SPOCK1: variants seen among roughly 807,000 people sequenced by gnomAD.
The protein encoded by SPOCK1 is SPARC (osteonectin), cwcv and kazal like domains proteoglycan 1.
A neutral mutation model predicts 55.3 loss-of-function variants in SPOCK1; 23 were observed. That is an observed-to-expected ratio of 0.42 (90% CI 0.30 to 0.59). The LOEUF is 0.59. Among genes scored for constraint, SPOCK1 ranks in the 20% least tolerant of loss-of-function variants. The pLI is 0.22. For synonymous variants in SPOCK1, 226 were observed against 221.0 expected (o/e 1.02, Z -0.20); for missense variants, 499 against 552.5 (o/e 0.90, Z 0.97).
intron 3 of SPOCK1, among the ~76,000 whole-genome samples, chr5:137,173,341 C>G (rs945224254): frequency 6.6e-5 from 10 of 152,126 alleles, no homozygotes; most frequent in African/African-American, 2.4e-4. Flanking sequence ...ATTGTCCTAG[C>G]CCCCTGGTAG....
intron 2 of SPOCK1, among the ~76,000 whole-genome samples, chr5:137,377,460 C>G (rs1221459880): frequency 6.6e-6 from 1 of 152,198 alleles, no homozygotes. Context: ...TGAGGAACAC[C>G]TGATACTGGG....
chr5:137,212,097 C>T (rs879281555), intron 3 of SPOCK1, among the ~76,000 whole-genome samples: 6 of 152,244 alleles, frequency 3.9e-5, no homozygotes, highest in African/African-American at 7.2e-5. Flanking sequence ...GACTGGCATC[C>T]GAAGGGGGGT....
intron 3 of SPOCK1, among the ~76,000 whole-genome samples, chr5:137,154,089 A>AC (rs1441717273): frequency 6.6e-6 from 1 of 151,888 alleles, no homozygotes; most frequent in Non-Finnish European, 1.5e-5. Flanking sequence ...GGAGTTCAAG[A>AC]CCACCCTGAC....
chr5:137,497,527 C>G (rs779785081), intron 2 of SPOCK1, among the ~76,000 whole-genome samples: 1 of 152,180 alleles, frequency 6.6e-6, no homozygotes, highest in Non-Finnish European at 1.5e-5. Flanking sequence ...AGCTGGCAGA[C>G]GCTCCCACAG....
intron 3 of SPOCK1, among the ~76,000 whole-genome samples, chr5:137,194,565 G>A (rs924016981): frequency 1.3e-5 from 2 of 152,134 alleles, no homozygotes; most frequent in Non-Finnish European, 2.9e-5. Context: ...GCTATGCTGG[G>A]CAGATAGAAG....
intron 3 of SPOCK1, among the ~76,000 whole-genome samples, chr5:137,175,012 T>A (rs1417680735): frequency 6.6e-6 from 1 of 152,218 alleles, no homozygotes; most frequent in Non-Finnish European, 1.5e-5. Context: ...CACACATCTT[T>A]GCAGAACCAC....
chr5:137,086,559 G>A lies in SPOCK1; in HGVS notation c.475-18730C>T, dbSNP rs761843405. Among the ~76,000 whole-genome samples, 158 of 152,174 alleles carry A rather than the reference G, an allele frequency of 1.0e-3. 4 individuals are homozygous for A. Among genetic ancestry groups the A allele is most frequent in the Non-Finnish European group, 3.7e-4 (25 of 68,030 alleles). Reference sequence around the variant, plus strand: ...ACCCAAATTGAATAAAGGCCTTCTCGGGAGGTGGCTGGCTGGGGTTCTGTA... The same window carrying A: ...ACCCAAATTGAATAAAGGCCTTCTCAGGAGGTGGCTGGCTGGGGTTCTGTA... On this transcript the variant is annotated intron_variant, in intron 5 of 10. Coordinates refer to ENST00000394945, the MANE Select transcript of SPOCK1 (RefSeq NM_004598.4).
At chr5:137,194,561 C>T (rs1292718814) in intron 3 of SPOCK1, among the ~76,000 whole-genome samples, 1 of 152,132 alleles carries the variant, frequency 6.6e-6, no homozygotes, top group Non-Finnish European at 1.5e-5. Flanking sequence ...CCACGCTATG[C>T]TGGGCAGATA....
At chr5:137,161,134 G>A (rs1754550159) in intron 3 of SPOCK1, among the ~76,000 whole-genome samples, 1 of 142,834 alleles carries the variant, frequency 7.0e-6, no homozygotes, top group South Asian at 2.2e-4. Flanking sequence ...AATATTCCTA[G>A]AGTATATATA....
At chr5:137,010,428 G>T (rs1751328995) in intron 6 of SPOCK1, among the ~76,000 whole-genome samples, 1 of 151,884 alleles carries the variant, frequency 6.6e-6, no homozygotes, top group Non-Finnish European at 1.5e-5. Flanking sequence ...TTGCGAGGAA[G>T]GGAGGGGCAG....
In SPOCK1 at chr5:137,087,685, G is replaced by A. The variant is rs551313885; in HGVS notation, c.475-19856C>T. 2.6e-5 allele frequency among the ~76,000 whole-genome samples: 4 copies of A among 152,304 alleles called. No homozygotes were observed. In the East Asian group the frequency reaches 7.7e-4, roughly 29 times the overall value. On this transcript the variant is annotated intron_variant, in intron 5 of 10. Coordinates refer to ENST00000394945, the MANE Select transcript of SPOCK1 (RefSeq NM_004598.4). The stretch of plus-strand genomic sequence containing the variant: ...GTGTGTCCCAGGGCAGGGCCCTGGA[G>A]AGCACCAGGACCTTGGTGTGCAGGA...
At chr5:137,431,223 T>C in intron 2 of SPOCK1, among the ~76,000 whole-genome samples, 1 of 152,172 alleles carries the variant, frequency 6.6e-6, no homozygotes, top group African/African-American at 2.4e-5. Flanking sequence ...TTTAAATCAG[T>C]GTAGGAGAGG....
At chr5:137,370,605 C>T (rs138240300) in intron 2 of SPOCK1, among the ~76,000 whole-genome samples, 314 of 152,330 alleles carry the variant, frequency 2.1e-3, no homozygotes, top group African/African-American at 7.2e-3. Flanking sequence ...GCAACAGAAA[C>T]ACCCAACCCA....
Position 137,061,467 on chromosome 5 carries a change from T to A in SPOCK1, c.589+6248A>T, listed in dbSNP as rs192220898. 1.2e-3 allele frequency among the ~76,000 whole-genome samples: 186 copies of A among 152,312 alleles called. 1 individual carries two copies. Among genetic ancestry groups the A allele is most frequent in the African/African-American group, 4.1e-3 (172 of 41,564 alleles). On this transcript the variant is annotated intron_variant, in intron 6 of 10. Coordinates refer to ENST00000394945, the MANE Select transcript of SPOCK1 (RefSeq NM_004598.4). ...TCACTGTAGACTATTTTTCTACTGTTCTAAATAGCTCAGCTGGAGGGAAGT... is the reference window on the plus strand; with the variant it reads ...TCACTGTAGACTATTTTTCTACTGTACTAAATAGCTCAGCTGGAGGGAAGT...
chr5:137,411,652 C>T (rs1394715303), intron 2 of SPOCK1, among the ~76,000 whole-genome samples: 1 of 152,146 alleles, frequency 6.6e-6, no homozygotes, highest in East Asian at 1.9e-4. Flanking sequence ...TTTGGATGTG[C>T]CACCTCCCCT....
chr5:136,990,367 A>AAAAG lies in SPOCK1; in HGVS notation c.707-1728_707-1725dup, dbSNP rs973735756. ...AATCAAACTATAGGCTCCCTGAGGG[A>AAAAG]AAAGACTGTCTTGTCCCCTTCAGCA... On this transcript the variant is annotated intron_variant, in intron 7 of 10. Transcript: ENST00000394945. Among the ~76,000 whole-genome samples the AAAAG allele has an allele frequency of 1.2e-4, 19 of 152,044 alleles. No homozygotes were observed. In the South Asian group the frequency reaches 2.3e-3, roughly 18 times the overall value.
chr5:137,438,148 G>A (rs1160746513), intron 2 of SPOCK1, among the ~76,000 whole-genome samples: 1 of 152,028 alleles, frequency 6.6e-6, no homozygotes, highest in Non-Finnish European at 1.5e-5. Context: ...AGAGAAGGGA[G>A]GGAGAGGTAA....
intron 6 of SPOCK1, among the ~76,000 whole-genome samples, chr5:137,060,577 C>T (rs1752378101): frequency 1.3e-5 from 2 of 152,020 alleles, no homozygotes; most frequent in African/African-American, 4.8e-5. Context: ...CCAACCTGCA[C>T]TTATACCCCT....
intron 3 of SPOCK1, among the ~76,000 whole-genome samples, chr5:137,161,430 G>A (rs1269881755): frequency 6.6e-6 from 1 of 151,966 alleles, no homozygotes; most frequent in Non-Finnish European, 1.5e-5. Flanking sequence ...CTCCAGGTAA[G>A]GCTGACTACC....
Sources: allele counts gnomAD v4.1 joint callset (sites outside exome capture counted in the v4.1 genomes callset), GRCh38; gene constraint gnomAD v4.1.1; transcripts MANE v1.5; gene names NCBI Gene and HGNC (gene_info 2026-07-23, HGNC 2026-07-21).